Variants in SUPT7L observed in about 807,000 individuals in gnomAD.
The protein encoded by SUPT7L is SPT7 like, STAGA complex subunit gamma, also known as STAGA complex 65 subunit gamma.
A neutral mutation model predicts 35.7 loss-of-function variants in SUPT7L; 15 were observed. The observed-to-expected ratio is 0.42, with a 90% CI of 0.28 to 0.65. SUPT7L has a LOEUF of 0.65. SUPT7L is among the 30% of genes least tolerant of loss of function. SUPT7L has a pLI of 0.23. For missense variants in SUPT7L, 434 were observed against 522.2 expected (o/e 0.83, Z 1.65); for synonymous variants, 168 against 186.2 (o/e 0.90, Z 0.79).
Position 27,657,794 on chromosome 2 carries a change from A to G in SUPT7L, c.420-125T>C. 1 of 898,344 alleles carries G rather than the reference A, an allele frequency of 1.1e-6. No homozygotes were observed. The highest frequency in any genetic ancestry group is 1.7e-5 in the African/African-American group (1 of 59,338). The allele number at this position is 898,344 out of a possible 1,614,324, so 55.6% of individuals were successfully genotyped here. On this transcript the variant is annotated intron_variant, in intron 3 of 5. Coordinates refer to ENST00000337768, the MANE Select transcript of SUPT7L (RefSeq NM_014860.3). The surrounding 1 kb of genome is among the most constrained non-coding windows in gnomAD (Gnocchi z 5.2). ...TAGCTTTCCAGGGAAATTCCATCCA[A>G]GTTACATAGCTCAGTTTCATCCTGC...
At chr2:27,647,012 G>GT (rs1674265906), downstream of SUPT7L, among the ~76,000 whole-genome samples, 1 of 152,232 alleles carries the variant, frequency 6.6e-6, no homozygotes, top group South Asian at 2.1e-4. Flanking sequence ...GGTTGGGAGA[G>GT]TTTAAGTAAA....
At chr2:27,661,438 A>G (rs751837051) in intron 2 of SUPT7L, 50 bp from the exon 3 acceptor site, 134 of 1,605,722 alleles carry the variant, frequency 8.3e-5, no homozygotes, top group Middle Eastern at 6.7e-4. Context: ...AAATGTAGAC[A>G]ATAACCTAAA....
chr2:27,642,958 TACACACACACACAC>T, the SUPT7L span, among the ~76,000 whole-genome samples: 5 of 122,610 alleles, frequency 4.1e-5, no homozygotes. Context: ...TATATATATA[TACACACACACACAC>T]ACACACACAC....
At chr2:27,650,478 A>T (rs1674473866), downstream of SUPT7L, 1 of 200,444 alleles carries the variant, frequency 5.0e-6, no homozygotes, top group East Asian at 1.1e-4. Context: ...CTACAACTTC[A>T]AGTTTTATCA....
intron 4 of SUPT7L, among the ~76,000 whole-genome samples, chr2:27,656,633 TTC>T (rs1368083191): frequency 6.7e-6 from 1 of 148,612 alleles, no homozygotes; most frequent in Non-Finnish European, 1.5e-5. Flanking sequence ...TAGGTCTGTG[TTC>T]TCTTTTTTTT....
chr2:27,649,091 A>G (rs1241176520), downstream of SUPT7L, among the ~76,000 whole-genome samples: 2 of 151,856 alleles, frequency 1.3e-5, no homozygotes, highest in Non-Finnish European at 2.9e-5. Flanking sequence ...TACAAGTACA[A>G]AAAATTAGCT....
intron 2 of SUPT7L, chr2:27,661,654 T>C (rs1033550153): frequency 8.3e-6 from 11 of 1,320,282 alleles, no homozygotes; most frequent in Non-Finnish European, 1.1e-5. Flanking sequence ...TGTCATACTA[T>C]GACAATTCCT....
chr2:27,650,259 AAG>A (rs1553359612), downstream of SUPT7L: 18 of 967,272 alleles, frequency 1.9e-5, no homozygotes, highest in Non-Finnish European at 2.8e-5. Flanking sequence ...CTCCACGTGA[AAG>A]AACTGTTCTT....
In SUPT7L at chr2:27,657,416, T is replaced by A; in HGVS notation, c.673A>T (p.Ile225Phe). The A allele has an allele frequency of 6.2e-7, 1 of 1,614,236 alleles. No individual in the cohort carries two copies. Among genetic ancestry groups the A allele is most frequent in the African/African-American group, 1.3e-5 (1 of 75,068 alleles). The stretch of plus-strand genomic sequence containing the variant: ...TTCTGGAGGGAGAGCACACTGCCAA[T>A]ACCCACTTCATGGAATACCTGCTCC... ...VMEQVFHEVGIGSVLSLQKFW... is the reference protein window; with the variant it reads ...VMEQVFHEVGFGSVLSLQKFW... Residue 225 changes from isoleucine to phenylalanine, a missense_variant, in exon 4 of 6, where the codon ATT (isoleucine) becomes TTT (phenylalanine). By Grantham distance (21) the Ile-to-Phe change is conservative. Transcript: ENST00000337768. This position sits in a 1 kb window ranked among gnomAD's most constrained non-coding sequence, Gnocchi z 5.2.
At position 27,657,496 on chromosome 2, in the gene SUPT7L, C is replaced by T. The variant is rs778384649; in HGVS notation, c.593G>A (p.Arg198His). 13 of 1,614,132 alleles carry T rather than the reference C, an allele frequency of 8.1e-6. No individual in the cohort carries two copies. In the East Asian group the frequency reaches 8.9e-5, roughly 11 times the overall value. Residue 198 changes from arginine (R) to histidine (H), a missense_variant, in exon 4 of 6, where the codon CGT becomes CAT. By Grantham distance (29) the Arg-to-His change is conservative (BLOSUM62 0). Transcript: ENST00000337768. The surrounding 1 kb of genome is among the most constrained non-coding windows in gnomAD (Gnocchi z 5.2). Reference protein sequence around the residue: ...EYCLKFTKLLRFAVDREARLG... With the variant: ...EYCLKFTKLLHFAVDREARLG... ...CCGGGCCTCCCGGTCCACAGCAAAA[C>T]GCAGCAACTTGGTAAACTTAAGGCA...
At position 27,663,599 on chromosome 2, in the gene SUPT7L, T is replaced by G; in HGVS notation, c.-360A>C. ...TCGCGTCAGACCCCGAAAGCTGGTTTGTTGATTAGTGATCTAAGACCGCCG... is the reference window on the plus strand; with the variant it reads ...TCGCGTCAGACCCCGAAAGCTGGTTGGTTGATTAGTGATCTAAGACCGCCG... On this transcript the variant is annotated 5_prime_UTR_variant, in exon 1 of 6. Transcript: ENST00000337768. 2 of 674,608 alleles carry G rather than the reference T, an allele frequency of 3.0e-6. No homozygotes were observed. Among genetic ancestry groups the G allele is most frequent in the East Asian group, 2.7e-5 (1 of 37,190 alleles). The allele number at this position is 674,608 out of a possible 1,614,324, so 41.8% of individuals were successfully genotyped here.
intron 3 of SUPT7L, 84 bp downstream of exon 3, chr2:27,660,900 A>T: frequency 6.8e-7 from 1 of 1,460,382 alleles, no homozygotes; most frequent in Non-Finnish European, 9.1e-7. Context: ...TCCTCGCATG[A>T]AAATGGAAAT....
chr2:27,646,348 T>C (rs1214679736), downstream of SUPT7L, among the ~76,000 whole-genome samples: 1 of 152,236 alleles, frequency 6.6e-6, no homozygotes, highest in East Asian at 1.9e-4. Flanking sequence ...AGCCCCAGCT[T>C]GAAATTTATT....
the SUPT7L span, among the ~76,000 whole-genome samples, chr2:27,645,144 A>C: frequency 6.6e-6 from 1 of 151,786 alleles, no homozygotes; most frequent in Non-Finnish European, 1.5e-5. Flanking sequence ...GTTTTAAGGA[A>C]ATTTTTAATA....
In SUPT7L at chr2:27,657,819, C is replaced by T; in HGVS notation, c.420-150G>A. On this transcript the variant is annotated intron_variant, in intron 3 of 5. Transcript: ENST00000337768. The surrounding 1 kb of genome is among the most constrained non-coding windows in gnomAD (Gnocchi z 5.2). ...AGTTACATAGCTCAGTTTCATCCTG[C>T]TGCTATCTGGGCATGTCTTAGCAAC... 2 of 754,216 alleles carry T rather than the reference C, an allele frequency of 2.7e-6. No individual in the cohort carries two copies. The highest frequency in any genetic ancestry group is 4.2e-6 in the Non-Finnish European group (2 of 475,332). 46.7% of individuals were successfully genotyped at this position (754,216 alleles called of 1,614,324 possible).
At position 27,657,848 on chromosome 2, in the gene SUPT7L, T is replaced by C. The variant is rs1015840168; in HGVS notation, c.420-179A>G. Among the ~76,000 whole-genome samples the C allele has an allele frequency of 6.6e-6, 1 of 152,208 alleles. No homozygotes were observed. Among genetic ancestry groups the C allele is most frequent in the East Asian group, 1.9e-4 (1 of 5,196 alleles). The stretch of plus-strand genomic sequence containing the variant: ...TATCTGGGCATGTCTTAGCAACCCA[T>C]GGTCATATCTTTGAGCTCCTCCAAA... On this transcript the variant is annotated intron_variant, in intron 3 of 5. Transcript: ENST00000337768. This position sits in a 1 kb window ranked among gnomAD's most constrained non-coding sequence, Gnocchi z 5.2.
the SUPT7L span, among the ~76,000 whole-genome samples, chr2:27,643,414 G>A: frequency 6.6e-5 from 10 of 151,530 alleles, no homozygotes; most frequent in Admixed American, 5.3e-4. The surrounding 1 kb of genome is among the most constrained non-coding windows in gnomAD (Gnocchi z 4.0). Context: ...CTTTTACCTT[G>A]AATAATTCAG....
chr2:27,655,244 CT>C, intron 5 of SUPT7L, 120 bp downstream of exon 5: 1 of 815,860 alleles, frequency 1.2e-6, no homozygotes, highest in Non-Finnish European at 1.9e-6. Context: ...CGTTTTAGGA[CT>C]TTCCATTCTG....
In SUPT7L at chr2:27,657,226, A is replaced by T; in HGVS notation, c.744+119T>A. ...GCTAGGGCCATCATAAAAGTATGTT[A>T]AGTTCACTCTGTTCCAAGACTCTGT... On this transcript the variant is annotated intron_variant, in intron 4 of 5. Coordinates refer to ENST00000337768, the MANE Select transcript of SUPT7L (RefSeq NM_014860.3). The surrounding 1 kb of genome is among the most constrained non-coding windows in gnomAD (Gnocchi z 5.2). The T allele has an allele frequency of 1.8e-6, 2 of 1,120,704 alleles. No homozygotes were observed. Among genetic ancestry groups the T allele is most frequent in the Non-Finnish European group, 2.5e-6 (2 of 799,798 alleles). 69.4% of individuals were successfully genotyped at this position (1,120,704 alleles called of 1,614,324 possible).
Sources: gnomAD v4.1 joint callset for allele counts (sites outside exome capture counted in the v4.1 genomes callset) on GRCh38, gnomAD v4.1.1 for gene constraint, Gnocchi (gnomAD v3.1) non-coding constraint, MANE v1.5 for transcripts, NCBI Gene and HGNC (gene_info 2026-07-23, HGNC 2026-07-21) for gene names.